CERT1: variants seen among roughly 807,000 people sequenced by gnomAD.
CERT1 encodes ceramide transporter 1, also known as ceramide transfer protein.
In CERT1, 31 loss-of-function variants were observed where a neutral mutation model predicts 87.9. That is an observed-to-expected ratio of 0.35 (90% confidence interval 0.27 to 0.48). CERT1 has a LOEUF of 0.48. Ranked by LOEUF, CERT1 falls within the 20% of genes least tolerant of loss-of-function variation. The pLI, the probability that CERT1 is intolerant of heterozygous loss-of-function variation, is 0.99. For missense variants in CERT1, 487 were observed against 758.0 expected (o/e 0.64, Z 4.20); for synonymous variants, 289 against 250.9 (o/e 1.15, Z -1.44).
At chr5:75,504,868 T>C (rs895478367) in intron 2 of CERT1, among the ~76,000 whole-genome samples, 5 of 152,324 alleles carry the variant, frequency 3.3e-5, no homozygotes, top group South Asian at 2.1e-4. Context: ...AACAAGTCAG[T>C]TGGTTGTTCC....
chr5:75,460,004 A>G (rs1020335469), intron 2 of CERT1, among the ~76,000 whole-genome samples: 3 of 145,350 alleles, frequency 2.1e-5, no homozygotes, highest in African/African-American at 7.6e-5. Flanking sequence ...GAGCCTTGCT[A>G]TGTTGCCCAG....
In CERT1 at chr5:75,379,472, C is replaced by A. The variant is rs1243063965; in HGVS notation, c.1749G>T (p.Val583=). ...AGGCTGGTGCCCATCCTCCAGGGTT[C>A]ACTGCAAGATAAAGGAAAATTAAAA... The part of the protein sequence containing the change: ...ILCKITYVAN[V]NPGGWAPASV... The change falls in exon 17 of 17, where the codon GTG becomes GTT. Residue 583 remains valine (V), a splice_region_variant and synonymous_variant. Coordinates refer to ENST00000643780, the MANE Select transcript of CERT1 (RefSeq NM_001379029.1). The A allele has an allele frequency of 6.2e-7, 1 of 1,611,488 alleles. No homozygotes were observed. The highest frequency in any genetic ancestry group is 8.5e-7 in the Non-Finnish European group (1 of 1,179,178).
intron 6 of CERT1, among the ~76,000 whole-genome samples, chr5:75,418,158 A>G (rs1763221916): frequency 6.6e-6 from 1 of 152,046 alleles, no homozygotes; most frequent in African/African-American, 2.4e-5. Context: ...CTCTGTCTCA[A>G]AATAATAATA....
intron 11 of CERT1, among the ~76,000 whole-genome samples, chr5:75,390,471 A>T (rs543945593): frequency 6.6e-6 from 1 of 152,036 alleles, no homozygotes; most frequent in Non-Finnish European, 1.5e-5. Flanking sequence ...ATTTAAATTT[A>T]TAACTTTTTC....
chr5:75,428,994 C>T (rs1411607453), intron 3 of CERT1, among the ~76,000 whole-genome samples: 1 of 151,802 alleles, frequency 6.6e-6, no homozygotes, highest in Non-Finnish European at 1.5e-5. Flanking sequence ...TCCTACTTTA[C>T]ACTAAGTGAC....
rs111551275 is a variant in CERT1 at position 75,452,355 on chromosome 5, G to T, written c.348+6710C>A. 5.4e-3 allele frequency among the ~76,000 whole-genome samples: 820 copies of T among 152,316 alleles called. 4 individuals carry two copies. The highest frequency in any genetic ancestry group is 8.7e-3 in the Non-Finnish European group (593 of 68,014). On this transcript the variant is annotated intron_variant, in intron 3 of 16. Transcript: ENST00000643780. Reference sequence around the variant, plus strand: ...CAACACTTTAGGACCTACTAAGGTTGCTCCTTTATGGAAATGAGAATGTTA... The same window carrying T: ...CAACACTTTAGGACCTACTAAGGTTTCTCCTTTATGGAAATGAGAATGTTA...
rs11438163 is a variant in CERT1 at position 75,478,909 on chromosome 5, T to TAAAAAA, written c.232-19734_232-19729dup. ...AAATCTTGAGCTTGAAAGTAAGTAC[T>TAAAAAA]AAAAAAAAAAAAAAAAAAAAAAAAA... On this transcript the variant is annotated intron_variant, in intron 2 of 16. Transcript: ENST00000643780. Among the ~76,000 whole-genome samples the TAAAAAA allele has an allele frequency of 7.4e-4, 16 of 21,764 alleles. 2 individuals carry two copies. Among genetic ancestry groups the TAAAAAA allele is most frequent in the African/African-American group, 1.6e-3 (8 of 4,856 alleles). 14.3% of individuals were successfully genotyped at this position (21,764 alleles called of 152,430 possible).
At position 75,379,341 on chromosome 5, in the gene CERT1, TAATACTAGAACAA is replaced by T; in HGVS notation, c.1867_*4del. ...ATAAAACATATCTTCTAGTACCTGT[TAATACTAGAACAA>T]AATAGGCTTTCCTGCAGTTTTTTCT... On this transcript the variant is annotated stop_lost and 3_prime_UTR_variant, in exon 17 of 17. Coordinates refer to ENST00000643780, the MANE Select transcript of CERT1 (RefSeq NM_001379029.1). 6.2e-7 allele frequency: 1 copy of T among 1,609,868 alleles called. No homozygotes were observed. Among genetic ancestry groups the T allele is most frequent in the Non-Finnish European group, 8.5e-7 (1 of 1,176,554 alleles).
At chr5:75,381,313 G>C (rs1761575764) in intron 15 of CERT1, 112 bp from the exon 16 acceptor site, 15 of 1,210,526 alleles carry the variant, frequency 1.2e-5, no homozygotes, top group Non-Finnish European at 1.6e-5. Context: ...TATCTCCAGT[G>C]AAATCTTATA....
chr5:75,511,078 G>GGCCAGGGGTCCCTTGGC, intron 1 of CERT1, 34 bp downstream of exon 1: 1 of 1,512,094 alleles, frequency 6.6e-7, no homozygotes, highest in African/African-American at 1.4e-5. Flanking sequence ...AGGTGAGTCT[G>GGCCAGGGGTCCCTTGGC]GCCAGGGGTC....
chr5:75,411,081 GTTC>G lies in CERT1; in HGVS notation c.857_859del (p.Arg286del), dbSNP rs762582958. ...CATTGCATTTTTATATGCTTCCTCT[GTTC>G]TTCTTTTCTTCTCAGTTTCCTATTA... is the stretch of plus-strand genomic sequence containing the variant. On this transcript the variant is annotated inframe_deletion, in exon 8 of 17. Transcript: ENST00000643780. 8 of 1,581,804 alleles carry G rather than the reference GTTC, an allele frequency of 5.1e-6. No individual in the cohort carries two copies. Among genetic ancestry groups the G allele is most frequent in the South Asian group, 2.3e-5 (2 of 85,382 alleles).
rs187993543 is a variant in CERT1, at chr5:75,457,910, G to A, written c.348+1155C>T. On this transcript the variant is annotated intron_variant, in intron 3 of 16. Coordinates refer to ENST00000643780, the MANE Select transcript of CERT1 (RefSeq NM_001379029.1). Reference sequence around the variant, plus strand: ...CTTGGGTGTATGGGTATAGGCGCGCGTGTGTGTGTGTGTGTGGTGTGTGTG... The same window carrying A: ...CTTGGGTGTATGGGTATAGGCGCGCATGTGTGTGTGTGTGTGGTGTGTGTG... Among the ~76,000 whole-genome samples the A allele has an allele frequency of 3.4e-4, 41 of 119,802 alleles. 1 individual carries two copies. The highest frequency in any genetic ancestry group is 2.1e-3 in the Admixed American group (26 of 12,490). The allele number at this position is 119,802 out of a possible 152,430, so 78.6% of individuals were successfully genotyped here.
At chr5:75,462,990 CAAAAAAAAAAA>C (rs1174306526) in intron 2 of CERT1, among the ~76,000 whole-genome samples, 51 of 38,904 alleles carry the variant, frequency 1.3e-3, no homozygotes, top group African/African-American at 4.3e-3. Flanking sequence ...GACTCCGTCT[CAAAAAAAAAAA>C]AAAAAAAAAA....
intron 2 of CERT1, among the ~76,000 whole-genome samples, chr5:75,477,283 A>C (rs1343866968): frequency 6.6e-6 from 1 of 152,014 alleles, no homozygotes; most frequent in Admixed American, 6.6e-5. Flanking sequence ...CTCTCCCCTT[A>C]CTTGGCTTTC....
At chr5:75,371,773 T>G (rs1357280052) in intron 17 of CERT1, 1 of 151,812 alleles carries the variant, frequency 6.6e-6, no homozygotes, top group Non-Finnish European at 1.5e-5. Flanking sequence ...TAAAGGGTAG[T>G]TTTTTTTCTT....
intron 2 of CERT1, among the ~76,000 whole-genome samples, chr5:75,503,730 T>C (rs928445623): frequency 4.6e-5 from 7 of 150,756 alleles, no homozygotes; most frequent in African/African-American, 1.7e-4. Flanking sequence ...TTTTACTATG[T>C]ACCACAATGA....
Position 75,507,172 on chromosome 5 carries a change from A to G in CERT1, c.97-1056T>C, listed in dbSNP as rs200860395. On this transcript the variant is annotated intron_variant, in intron 1 of 16. Transcript: ENST00000643780. ...GAGACAGGGTCTCGCTCTGTCACCC[A>G]GGATGGAGTGCAGTGGCACCATCTC... Among the ~76,000 whole-genome samples, 10 of 152,296 alleles carry G rather than the reference A, an allele frequency of 6.6e-5. No homozygotes were observed. In the East Asian group the frequency reaches 1.7e-3, roughly 26 times the overall value.
chr5:75,416,731 C>T (rs935192057), intron 7 of CERT1, 145 bp downstream of exon 7: 1 of 563,546 alleles, frequency 1.8e-6, no homozygotes, highest in Non-Finnish European at 3.0e-6. Flanking sequence ...GTTTAGGATG[C>T]CCATAAAGCT....
intron 7 of CERT1, among the ~76,000 whole-genome samples, chr5:75,412,134 C>T (rs1762956586): frequency 1.3e-5 from 2 of 152,138 alleles, no homozygotes; most frequent in Admixed American, 1.3e-4. Flanking sequence ...TAATCTAATG[C>T]TTTTATTTCC....
Sources: allele counts gnomAD v4.1 joint callset (sites outside exome capture counted in the v4.1 genomes callset), GRCh38; gene constraint gnomAD v4.1.1; transcripts MANE v1.5; gene names NCBI Gene and HGNC (gene_info 2026-07-23, HGNC 2026-07-21).